SLIT2: variants seen among roughly 807,000 people sequenced by gnomAD.
SLIT2 encodes the protein slit homolog 2 protein.
A neutral mutation model predicts 185.7 loss-of-function variants in SLIT2; 41 were observed. That is an observed-to-expected ratio of 0.22 (90% CI 0.17 to 0.29). The LOEUF (loss-of-function observed/expected upper bound fraction) is 0.29. Ranked by LOEUF, SLIT2 falls within the 10% of genes least tolerant of loss-of-function variation. SLIT2 has a pLI of 1.00. For synonymous variants in SLIT2, 693 were observed against 680.2 expected, an observed-to-expected ratio of 1.02 and a Z score of -0.29; for missense variants, 1,571 against 1,909.0, an observed-to-expected ratio of 0.82 and a Z score of 3.30.
chr4:20,318,144 G>A (rs1718753497), intron 4 of SLIT2, among the ~76,000 whole-genome samples: 1 of 152,078 alleles, frequency 6.6e-6, no homozygotes, highest in Non-Finnish European at 1.5e-5. Flanking sequence ...TGAAAGCTTT[G>A]TTTCTGCAAT....
At chr4:20,415,049 T>C (rs1727541342) in intron 4 of SLIT2, among the ~76,000 whole-genome samples, 1 of 152,248 alleles carries the variant, frequency 6.6e-6, no homozygotes, top group Admixed American at 6.5e-5. Flanking sequence ...CAAAGATTAA[T>C]GAATTTTGAC....
chr4:20,273,915 T>A (rs1713891567), intron 4 of SLIT2, among the ~76,000 whole-genome samples: 1 of 152,192 alleles, frequency 6.6e-6, no homozygotes, highest in East Asian at 1.9e-4. Flanking sequence ...CCTGCCACAA[T>A]AAATCCGACT....
intron 4 of SLIT2, among the ~76,000 whole-genome samples, chr4:20,277,738 T>A (rs1056079056): frequency 1.4e-5 from 2 of 147,658 alleles, no homozygotes; most frequent in Admixed American, 1.3e-4. Flanking sequence ...AAGATTTTCA[T>A]CATGATGTAG....
At chr4:20,593,247 G>A (rs112744174) in intron 30 of SLIT2, among the ~76,000 whole-genome samples, 24 of 152,126 alleles carry the variant, frequency 1.6e-4, no homozygotes, top group Admixed American at 8.5e-4. Flanking sequence ...AGATGGATGC[G>A]TTTAATCTTT....
chr4:20,420,971 A>G (rs184384763), intron 4 of SLIT2, among the ~76,000 whole-genome samples: 1 of 152,258 alleles, frequency 6.6e-6, no homozygotes, highest in Non-Finnish European at 1.5e-5. Flanking sequence ...ACTATGAGAG[A>G]ATAAATTTCT....
At chr4:20,520,318 A>G (rs763836652) in intron 12 of SLIT2, among the ~76,000 whole-genome samples, 39 of 152,334 alleles carry the variant, frequency 2.6e-4, no homozygotes, top group South Asian at 2.5e-3. Context: ...ATGCATGCCC[A>G]TATGAAAAGT....
intron 15 of SLIT2, among the ~76,000 whole-genome samples, chr4:20,527,073 A>C (rs571165383): frequency 5.3e-5 from 8 of 152,330 alleles, no homozygotes; most frequent in Admixed American, 4.6e-4. Context: ...TGAGATTCTG[A>C]TTCCATTTCC....
chr4:20,525,797 ATATT>A (rs1265261096), intron 15 of SLIT2, among the ~76,000 whole-genome samples: 2 of 152,150 alleles, frequency 1.3e-5, no homozygotes, highest in Admixed American at 6.5e-5. Context: ...ATAAAAAAGA[ATATT>A]TATGTGTGAT....
Position 20,252,728 on chromosome 4 carries a change from G to T in SLIT2, c.-1088G>T, listed in dbSNP as rs1243991411. The stretch of plus-strand genomic sequence containing the variant: ...CACACACTACTGCCATTCAGCTGCC[G>T]CCTGGCTCTGCCTGGAGTAGTGGAT... On this transcript the variant is annotated 5_prime_UTR_variant, in exon 1 of 37. Transcript: ENST00000504154. Among the ~76,000 whole-genome samples the T allele has an allele frequency of 5.9e-5, 9 of 152,174 alleles. No individual in the cohort carries two copies. The highest frequency in any genetic ancestry group is 1.7e-4 in the African/African-American group (7 of 41,448).
chr4:20,255,410 G>C (rs1228806745), intron 1 of SLIT2, among the ~76,000 whole-genome samples: 3 of 152,160 alleles, frequency 2.0e-5, no homozygotes, highest in African/African-American at 4.8e-5. Flanking sequence ...GGCCAAATCG[G>C]GGCTCTACTA....
chr4:20,356,145 G>A (rs1363248597), intron 4 of SLIT2, among the ~76,000 whole-genome samples: 2 of 152,080 alleles, frequency 1.3e-5, no homozygotes, highest in African/African-American at 4.8e-5. Context: ...GTTATTAAAT[G>A]AAGCATAATC....
intron 4 of SLIT2, among the ~76,000 whole-genome samples, chr4:20,273,712 A>G (rs1162818137): frequency 6.6e-6 from 1 of 152,134 alleles, no homozygotes; most frequent in African/African-American, 2.4e-5. Flanking sequence ...TATAAAACGA[A>G]CTCCCTAGTT....
chr4:20,288,005 C>T (rs1715436087), intron 4 of SLIT2, among the ~76,000 whole-genome samples: 2 of 152,104 alleles, frequency 1.3e-5, no homozygotes, highest in Admixed American at 1.3e-4. Context: ...AACAAAATTT[C>T]AGTAACATGG....
At chr4:20,325,457 A>G (rs923024190) in intron 4 of SLIT2, among the ~76,000 whole-genome samples, 2 of 151,162 alleles carry the variant, frequency 1.3e-5, no homozygotes, top group African/African-American at 2.4e-5. Context: ...AAAAAAAAAG[A>G]ATAGAAAGTA....
chr4:20,570,737 A>ATATATATATATATATATATGTG (rs1725526477), intron 29 of SLIT2, among the ~76,000 whole-genome samples: 1 of 77,288 alleles, frequency 1.3e-5, no homozygotes, highest in African/African-American at 6.2e-5. Flanking sequence ...ATATGTATAT[A>ATATATATATATATATATATGTG]TATATATATA....
chr4:20,507,670 G>T (rs1433627486), intron 9 of SLIT2, among the ~76,000 whole-genome samples: 2 of 151,544 alleles, frequency 1.3e-5, no homozygotes, highest in East Asian at 3.9e-4. Flanking sequence ...GTGAATGAAT[G>T]AATTAATGAT....
intron 3 of SLIT2, among the ~76,000 whole-genome samples, chr4:20,262,786 G>A (rs768381486): frequency 1.3e-5 from 2 of 151,848 alleles, no homozygotes; most frequent in African/African-American, 2.4e-5. Flanking sequence ...TACTGACGCT[G>A]GTCATAGAAA....
rs754240963 is a variant in SLIT2, at chr4:20,523,746, A to G, written c.1131-14A>G. On this transcript the variant is annotated splice_polypyrimidine_tract_variant and intron_variant, in intron 12 of 36. Transcript: ENST00000504154. ...GATGCTACACTTTAATTCTACAACT[A>G]TTTAATCAAACAGATTATTGAATGC... 4 of 1,612,000 alleles carry G rather than the reference A, an allele frequency of 2.5e-6. No homozygotes were observed. Among genetic ancestry groups the G allele is most frequent in the Non-Finnish European group, 3.4e-6 (4 of 1,178,336 alleles).
At chr4:20,424,215 A>G (rs1047952398) in intron 4 of SLIT2, among the ~76,000 whole-genome samples, 1 of 152,136 alleles carries the variant, frequency 6.6e-6, no homozygotes, top group Non-Finnish European at 1.5e-5. Context: ...AAACACTTTT[A>G]TCTGCTTATC....
Sources: allele counts gnomAD v4.1 joint callset (sites outside exome capture counted in the v4.1 genomes callset), GRCh38; gene constraint gnomAD v4.1.1; transcripts MANE v1.5; gene names NCBI Gene and HGNC (gene_info 2026-07-23, HGNC 2026-07-21).